Variants in SNTG2 observed in about 807,000 individuals in gnomAD.
SNTG2 encodes the protein gamma-2-syntrophin.
In SNTG2, 74 loss-of-function variants were observed where a neutral mutation model predicts 70.9. That is an observed-to-expected ratio of 1.04 (90% CI 0.86 to 1.27). SNTG2 has a LOEUF of 1.27. Ranked by LOEUF, SNTG2 falls within the 50% of genes most tolerant of loss-of-function variation. SNTG2 has a pLI of 0.00. For synonymous variants in SNTG2, 278 were observed against 273.8 expected, an observed-to-expected ratio of 1.02 and a Z score of -0.15; for missense variants, 717 against 690.7, an observed-to-expected ratio of 1.04 and a Z score of -0.43.
chr2:1,316,412 C>A, intron 16 of SNTG2, 37 bp downstream of exon 16: 1 of 1,106,014 alleles, frequency 9.0e-7, no homozygotes, highest in South Asian at 1.4e-5. Flanking sequence ...CTGCCACCAC[C>A]CACACATAAA....
At chr2:1,312,608 T>G (rs550125658) in intron 15 of SNTG2, among the ~76,000 whole-genome samples, 10 of 152,332 alleles carry the variant, frequency 6.6e-5, no homozygotes, top group African/African-American at 2.2e-4. Context: ...CACCGCAGGA[T>G]TCACTCGTTC....
chr2:996,673 G>GTTTTTTTTTCTTTTTTTTTTTTTTTTTT (rs1661691160), intron 1 of SNTG2, among the ~76,000 whole-genome samples: 1 of 35,114 alleles, frequency 2.8e-5, no homozygotes, highest in African/African-American at 1.3e-4. Flanking sequence ...GAGTTACCCA[G>GTTTTTTTTTCTTTTTTTTTTTTTTTTTT]TTTTTTTTTT....
chr2:1,061,611 G>T (rs986211290), intron 1 of SNTG2, among the ~76,000 whole-genome samples: 1 of 152,202 alleles, frequency 6.6e-6, no homozygotes. Context: ...TGCTTCATGG[G>T]ATAGCAGGCT....
intron 4 of SNTG2, among the ~76,000 whole-genome samples, chr2:1,103,032 CCCCTGGT>C (rs1665885449): frequency 6.6e-6 from 1 of 152,180 alleles, no homozygotes; most frequent in African/African-American, 2.4e-5. Flanking sequence ...GAGCCCCCGC[CCCCTGGT>C]CCCTCTGATG....
At chr2:1,014,604 G>C (rs112345864) in intron 1 of SNTG2, among the ~76,000 whole-genome samples, 9 of 108,790 alleles carry the variant, frequency 8.3e-5, no homozygotes, top group South Asian at 2.9e-4. Flanking sequence ...GAGAAGGGTG[G>C]TCTGGAGAGG....
chr2:1,278,447 T>C (rs1679359596), intron 14 of SNTG2, among the ~76,000 whole-genome samples: 1 of 152,178 alleles, frequency 6.6e-6, no homozygotes, highest in Admixed American at 6.5e-5. Context: ...ACCATGTCAG[T>C]TACTGCACCA....
At chr2:1,080,523 CGT>C (rs1477812955) in intron 1 of SNTG2, among the ~76,000 whole-genome samples, 19 of 151,200 alleles carry the variant, frequency 1.3e-4, no homozygotes, top group Non-Finnish European at 2.8e-4. Flanking sequence ...TCTGTGTGCC[CGT>C]GTTTGTGTCT....
intron 1 of SNTG2, among the ~76,000 whole-genome samples, chr2:995,927 G>C (rs569281631): frequency 6.6e-6 from 1 of 152,022 alleles, no homozygotes; most frequent in African/African-American, 2.4e-5. Flanking sequence ...AATTTTGCTC[G>C]AAAAAGACAA....
chr2:1,151,827 G>A (rs543315322), intron 6 of SNTG2, among the ~76,000 whole-genome samples: 225 of 152,246 alleles, frequency 1.5e-3, no homozygotes, highest in Non-Finnish European at 2.7e-3. Flanking sequence ...TCCTCATAGC[G>A]ACTGGAGAAA....
chr2:981,519 C>G (rs1661094830), intron 1 of SNTG2, among the ~76,000 whole-genome samples: 1 of 152,054 alleles, frequency 6.6e-6, no homozygotes, highest in African/African-American at 2.4e-5. Flanking sequence ...CAAGCACTCA[C>G]ACATGTTCCA....
intron 4 of SNTG2, chr2:1,102,532 T>A (rs917789237): frequency 6.6e-6 from 1 of 152,154 alleles, no homozygotes; most frequent in Non-Finnish European, 1.5e-5. Flanking sequence ...GAGGTTTCCT[T>A]TTAGCCTCAG....
chr2:1,172,540 G>T (rs898542687), intron 7 of SNTG2, among the ~76,000 whole-genome samples: 1 of 152,196 alleles, frequency 6.6e-6, no homozygotes, highest in Non-Finnish European at 1.5e-5. Context: ...AATCCATGGA[G>T]CATGAAGATC....
chr2:1,089,564 G>C (rs1269822323), intron 2 of SNTG2, among the ~76,000 whole-genome samples: 1 of 152,208 alleles, frequency 6.6e-6, no homozygotes, highest in East Asian at 1.9e-4. Context: ...GAACCCAAGA[G>C]GTAGAGCTTG....
At chr2:987,090 A>G (rs754965466) in intron 1 of SNTG2, among the ~76,000 whole-genome samples, 7 of 152,232 alleles carry the variant, frequency 4.6e-5, no homozygotes, top group Admixed American at 1.3e-4. Flanking sequence ...TCTATCCTCC[A>G]GGTGGTTGCC....
intron 1 of SNTG2, among the ~76,000 whole-genome samples, chr2:1,047,930 G>T (rs1412158494): frequency 3.9e-5 from 6 of 152,144 alleles, no homozygotes; most frequent in Non-Finnish European, 5.9e-5. Context: ...AATGTTTATT[G>T]CAGGGGTTTT....
In SNTG2 at chr2:984,288, T is replaced by C. The variant is rs114070478; in HGVS notation, c.72+33220T>C. 6.8e-3 allele frequency among the ~76,000 whole-genome samples: 1,034 copies of C among 151,694 alleles called. 20 individuals are homozygous for C. The highest frequency in any genetic ancestry group is 0.024 in the African/African-American group (973 of 41,318). ...TTTTTTTTTTTTTTAATAGCACACTTTCATGCAGTTAATTAAGATAAAATG... is the reference window on the plus strand; with the variant it reads ...TTTTTTTTTTTTTTAATAGCACACTCTCATGCAGTTAATTAAGATAAAATG... On this transcript the variant is annotated intron_variant, in intron 1 of 16. Coordinates refer to ENST00000308624, the MANE Select transcript of SNTG2 (RefSeq NM_018968.4).
rs1674969996 is a variant in SNTG2, at chr2:1,221,849, CT to C, written c.719+12620del. ...TCTCTCTGTCTCTCTCTGTCTCTGT[CT>C]CTGTCTCTGTCTCTGTCTCTCTCTC... On this transcript the variant is annotated intron_variant, in intron 9 of 16. Transcript: ENST00000308624. Among the ~76,000 whole-genome samples, 4 of 26,770 alleles carry C rather than the reference CT, an allele frequency of 1.5e-4. 1 individual carries two copies. Among genetic ancestry groups the C allele is most frequent in the African/African-American group, 2.5e-4 (1 of 4,004 alleles). The allele number at this position is 26,770 out of a possible 152,430, so 17.6% of individuals were successfully genotyped here.
chr2:1,072,529 A>G (rs977879279), intron 1 of SNTG2, among the ~76,000 whole-genome samples: 1 of 151,922 alleles, frequency 6.6e-6, no homozygotes, highest in Non-Finnish European at 1.5e-5. Flanking sequence ...AAAAGAAAAA[A>G]AAGATATCTT....
intron 1 of SNTG2, among the ~76,000 whole-genome samples, chr2:964,713 TGAGGCTGTTCCTGA>T (rs1208669846): frequency 6.6e-6 from 1 of 152,068 alleles, no homozygotes; most frequent in African/African-American, 2.4e-5. Context: ...AGCTCTGGGG[TGAGGCTGTTCCTGA>T]GAGGCTGAGC....
Sources: allele counts gnomAD v4.1 joint callset (sites outside exome capture counted in the v4.1 genomes callset), GRCh38; gene constraint gnomAD v4.1.1; transcripts MANE v1.5; gene names NCBI Gene and HGNC (gene_info 2026-07-23, HGNC 2026-07-21).